The following FIG4 variants were observed in gnomAD, a reference collection of about 807,000 sequenced individuals.
FIG4 encodes the protein polyphosphoinositide phosphatase.
FIG4 carries 112 observed loss-of-function variants against 118.6 expected under a neutral mutation model. The observed-to-expected ratio is 0.94, with a 90% confidence interval of 0.81 to 1.11. The LOEUF (loss-of-function observed/expected upper bound fraction) is 1.11, where lower values mean the gene tolerates loss of function less well. FIG4 is among the 50% of genes least tolerant of loss of function. The pLI is 0.00. For missense variants in FIG4, 969 were observed against 1,111.7 expected (o/e 0.87, Z 1.83); for synonymous variants, 369 against 381.2 (o/e 0.97, Z 0.37).
chr6:109,756,752 T>G (rs1006244681), intron 10 of FIG4, among the ~76,000 whole-genome samples: 12 of 152,260 alleles, frequency 7.9e-5, no homozygotes, highest in Admixed American at 1.3e-4. Context: ...TCTGCATTCT[T>G]GACGTAGTTC....
At chr6:109,783,629 A>G (rs1777871387) in intron 16 of FIG4, among the ~76,000 whole-genome samples, 1 of 152,244 alleles carries the variant, frequency 6.6e-6, no homozygotes, top group Non-Finnish European at 1.5e-5. Context: ...AATGTGGAAT[A>G]ACTGAATGAA....
In FIG4 at chr6:109,791,439, C is replaced by G. The variant is rs17854106; in HGVS notation, c.2244C>G (p.Pro748=). The G allele has an allele frequency of 6.2e-7, 1 of 1,613,782 alleles. No homozygotes were observed. Among genetic ancestry groups the G allele is most frequent in the Admixed American group, 1.7e-5 (1 of 60,026 alleles). The change falls in exon 20 of 23, where the codon CCC becomes CCG. Residue 748 remains proline (P), a synonymous_variant. Coordinates refer to ENST00000230124, the MANE Select transcript of FIG4 (RefSeq NM_014845.6). The part of the protein sequence containing the change: ...QRKTAASAPP[P]PSEEAVSSSS... ...AAACGGCAGCCAGCGCCCCGCCGCCCCCCAGCGAGGAGGCTGTGTCCAGCA... is the reference window on the plus strand; with the variant it reads ...AAACGGCAGCCAGCGCCCCGCCGCCGCCCAGCGAGGAGGCTGTGTCCAGCA...
Position 109,764,220 on chromosome 6 carries a change from T to C in FIG4, c.1434+238T>C, listed in dbSNP as rs6912209. On this transcript the variant is annotated intron_variant, in intron 13 of 22. Transcript: ENST00000230124. ...TTGGGAGGCCGGAGTGGGCAGATCA[T>C]GAGATCAGGAGATCGAGACCATCCT... 0.8 allele frequency among the ~76,000 whole-genome samples: 122,023 copies of C among 152,000 alleles called. 49,263 individuals carry two copies. The highest frequency in any genetic ancestry group is 0.91 in the African/African-American group (37,543 of 41,460).
chr6:109,701,042 G>C (rs2128378298), intron 1 of FIG4, among the ~76,000 whole-genome samples: 1 of 152,284 alleles, frequency 6.6e-6, no homozygotes, highest in Middle Eastern at 3.4e-3. Flanking sequence ...CTCTTGTCCT[G>C]AGCCTTCATT....
chr6:109,786,369 T>C lies in FIG4; in HGVS notation c.2016T>C (p.Asp672=). Residue 672 remains aspartate, a synonymous_variant, in exon 18 of 23, where the codon GAT becomes GAC. Coordinates refer to ENST00000230124, the MANE Select transcript of FIG4 (RefSeq NM_014845.6). ...TCCACAAATATGAAGAAGAGATTGA[T>C]ATCCACAATGAGTTCTTTCGGCCAT... ...KKFHKYEEEI[D]IHNEFFRPYE... 6.2e-7 allele frequency: 1 copy of C among 1,613,778 alleles called. No individual in the cohort carries two copies. The highest frequency in any genetic ancestry group is 8.5e-7 in the Non-Finnish European group (1 of 1,179,638).
intron 22 of FIG4, among the ~76,000 whole-genome samples, chr6:109,815,196 T>C (rs1400193358): frequency 6.6e-6 from 1 of 152,084 alleles, no homozygotes; most frequent in East Asian, 1.9e-4. Context: ...CATAACCAGT[T>C]GGCTGTCACC....
At chr6:109,735,080 A>T in intron 5 of FIG4, 70 bp from the exon 6 acceptor site, 1 of 1,326,246 alleles carries the variant, frequency 7.5e-7, no homozygotes, top group Non-Finnish European at 1.1e-6. Context: ...TTTTAATTCT[A>T]TATGGGCGCC....
intron 21 of FIG4, among the ~76,000 whole-genome samples, chr6:109,795,185 C>T (rs1233224733): frequency 7.5e-6 from 1 of 133,612 alleles, no homozygotes. Flanking sequence ...ACTGCAGTGG[C>T]GCAATCTCGG....
Position 109,780,980 on chromosome 6 carries a change from G to A in FIG4, c.1889+3920G>A, listed in dbSNP as rs1343740154. Among the ~76,000 whole-genome samples the A allele has an allele frequency of 2.6e-5, 4 of 152,166 alleles. No homozygotes were observed. The East Asian group carries it at 5.8e-4, about 22-fold the overall frequency. On this transcript the variant is annotated intron_variant, in intron 16 of 22. Coordinates refer to ENST00000230124, the MANE Select transcript of FIG4 (RefSeq NM_014845.6). ...TAGAATGTCACCAAGATGTTTTTAG[G>A]TATTAAGCATTAATTATTTCATTGA...
In FIG4 at chr6:109,715,404, C is replaced by T. The variant is rs73535344; in HGVS notation, c.165+228C>T. 8.9e-3 allele frequency among the ~76,000 whole-genome samples: 1,347 copies of T among 152,072 alleles called. 28 individuals are homozygous for T. The highest frequency in any genetic ancestry group is 0.027 in the African/African-American group (1,124 of 41,482). Reference sequence around the variant, plus strand: ...TTTGCCCCTCGTTTTGACTTGTTTTCGAAAACACACTCTTAGGATAAGATA... The same window carrying T: ...TTTGCCCCTCGTTTTGACTTGTTTTTGAAAACACACTCTTAGGATAAGATA... On this transcript the variant is annotated intron_variant, in intron 2 of 22. Coordinates refer to ENST00000230124, the MANE Select transcript of FIG4 (RefSeq NM_014845.6).
chr6:109,815,162 G>A (rs572897669), intron 22 of FIG4, among the ~76,000 whole-genome samples: 23 of 152,028 alleles, frequency 1.5e-4, no homozygotes, highest in Non-Finnish European at 3.4e-4. Flanking sequence ...CCCTCGTTAT[G>A]TTTATTTGAT....
Position 109,715,142 on chromosome 6 carries a change from C to G in FIG4, c.131C>G (p.Thr44Arg). ...TATCGTGTCTTGAAGATTGATAGAA[C>G]AGAACCAAAAGATTTGGTCATAATT... ...TKYRVLKIDR[T>R]EPKDLVIIDD... The change falls in exon 2 of 23, where the codon ACA becomes AGA. Residue 44 changes from threonine to arginine, a missense_variant. By Grantham distance (71) the Thr-to-Arg change is moderately conservative. Coordinates refer to ENST00000230124, the MANE Select transcript of FIG4 (RefSeq NM_014845.6). 1.2e-6 allele frequency: 2 copies of G among 1,607,084 alleles called. No individual in the cohort carries two copies. The highest frequency in any genetic ancestry group is 1.7e-6 in the Non-Finnish European group (2 of 1,174,192).
At chr6:109,748,186 T>A (rs1292513209) in intron 10 of FIG4, among the ~76,000 whole-genome samples, 1 of 152,154 alleles carries the variant, frequency 6.6e-6, no homozygotes, top group African/African-American at 2.4e-5. Flanking sequence ...TTGGTGATCA[T>A]GATTTCTTAA....
At chr6:109,764,050 A>G in intron 13 of FIG4, 68 bp downstream of exon 13, 1 of 1,028,986 alleles carries the variant, frequency 9.7e-7, no homozygotes, top group Non-Finnish European at 1.5e-6. Flanking sequence ...GTTTTCTGTA[A>G]GCAATCATGG....
chr6:109,730,304 C>A (rs1386641033), intron 4 of FIG4, among the ~76,000 whole-genome samples: 2 of 152,154 alleles, frequency 1.3e-5, no homozygotes, highest in Non-Finnish European at 2.9e-5. Context: ...CCACCTCGGC[C>A]TCCCAAAGTC....
intron 22 of FIG4, among the ~76,000 whole-genome samples, chr6:109,799,323 T>C (rs1211326238): frequency 6.6e-6 from 1 of 152,244 alleles, no homozygotes; most frequent in Non-Finnish European, 1.5e-5. Context: ...AGCATTACAT[T>C]GTCATGGCAA....
intron 12 of FIG4, among the ~76,000 whole-genome samples, chr6:109,763,406 TC>T (rs11347350): frequency 0.46 from 69,969 of 151,580 alleles, 17,536 homozygotes; most frequent in African/African-American, 0.67. Flanking sequence ...CTATAGTATT[TC>T]ATAACAAAAC....
chr6:109,712,784 G>T (rs1369303218), intron 1 of FIG4, among the ~76,000 whole-genome samples: 3 of 152,156 alleles, frequency 2.0e-5, no homozygotes, highest in Non-Finnish European at 4.4e-5. Context: ...AAGTGCAGTT[G>T]TTTTGGAGGA....
At chr6:109,700,003 C>T (rs755178927) in intron 1 of FIG4, among the ~76,000 whole-genome samples, 1 of 152,174 alleles carries the variant, frequency 6.6e-6, no homozygotes, top group Non-Finnish European at 1.5e-5. Flanking sequence ...CCTTGAACCT[C>T]TTTCATAAGT....
Sources: allele counts gnomAD v4.1 joint callset (sites outside exome capture counted in the v4.1 genomes callset), GRCh38; gene constraint gnomAD v4.1.1; transcripts MANE v1.5; gene names NCBI Gene and HGNC (gene_info 2026-07-23, HGNC 2026-07-21).